Variants in ATP11A observed in about 807,000 individuals in gnomAD.
ATP11A encodes the protein ATPase phospholipid transporting 11A.
A neutral mutation model predicts 154.4 loss-of-function variants in ATP11A; 81 were observed. That is an observed-to-expected ratio of 0.52 (90% CI 0.44 to 0.63). The LOEUF (loss-of-function observed/expected upper bound fraction) is 0.63. Among genes scored for constraint, ATP11A ranks in the 30% least tolerant of loss-of-function variants. The pLI is 0.00. For missense variants in ATP11A, 1,316 were observed against 1,474.3 expected, an observed-to-expected ratio of 0.89 and a Z score of 1.76; for synonymous variants, 623 against 585.9, an observed-to-expected ratio of 1.06 and a Z score of -0.91.
rs1460042980 is a variant in ATP11A at position 112,864,903 on chromosome 13, C to T, written c.2991+2328C>T. On this transcript the variant is annotated intron_variant, in intron 25 of 29. Transcript: ENST00000375645. ...AGTGCAGGCCTGCGCAGCTTCCCAG[C>T]GGGGTCCATCACCACCTGCGCAGTA... Among the ~76,000 whole-genome samples the T allele has an allele frequency of 4.8e-3, 376 of 78,194 alleles. 9 individuals are homozygous for T. The highest frequency in any genetic ancestry group is 7.9e-3 in the East Asian group (17 of 2,154). The allele number at this position is 78,194 out of a possible 152,430, so 51.3% of individuals were successfully genotyped here.
chr13:112,873,719 T>C (rs2080621098), intron 27 of ATP11A, 43 bp downstream of exon 27: 1 of 1,560,670 alleles, frequency 6.4e-7, no homozygotes, highest in Non-Finnish European at 8.8e-7. Context: ...AAATATCATG[T>C]GGTTGTTATT....
intron 27 of ATP11A, among the ~76,000 whole-genome samples, chr13:112,874,843 C>T (rs142102782): frequency 6.2e-4 from 94 of 152,300 alleles, no homozygotes; most frequent in East Asian, 9.7e-4. Context: ...GCCCTGAAGG[C>T]GATGGCTCTG....
chr13:112,854,492 G>T lies in ATP11A; in HGVS notation c.2205G>T (p.Leu735=). The T allele has an allele frequency of 1.2e-6, 2 of 1,611,934 alleles. No homozygotes were observed. Among genetic ancestry groups the T allele is most frequent in the East Asian group, 4.5e-5 (2 of 44,854 alleles). The part of the protein sequence containing the change: ...DVLFELSKTV[L]RHSGSLTRDN... ...TGTTCGAGCTGAGCAAGACGGTCCT[G>T]CGCCACAGCGGGAGCCTGACCAGAG... The change falls in exon 19 of 30, where the codon CTG becomes CTT. Residue 735 remains leucine (L), a synonymous_variant. Transcript: ENST00000375645.
Position 112,696,503 on chromosome 13 carries a change from C to T in ATP11A, c.39+6048C>T, listed in dbSNP as rs2139460702. On this transcript the variant is annotated intron_variant, in intron 1 of 29. Transcript: ENST00000375645. The surrounding 1 kb of genome is among the most constrained non-coding windows in gnomAD (Gnocchi z 6.2). Reference sequence around the variant, plus strand: ...TGTGTGCTGCGGCCCCGTCTCTCTCCCTCTCTGAGTGACACTGTCTGCCCT... The same window carrying T: ...TGTGTGCTGCGGCCCCGTCTCTCTCTCTCTCTGAGTGACACTGTCTGCCCT... Among the ~76,000 whole-genome samples the T allele has an allele frequency of 6.6e-6, 1 of 152,244 alleles. No homozygotes were observed. Among genetic ancestry groups the T allele is most frequent in the East Asian group, 1.9e-4 (1 of 5,148 alleles).
chr13:112,709,399 T>C (rs1887495403), intron 1 of ATP11A, among the ~76,000 whole-genome samples: 1 of 152,232 alleles, frequency 6.6e-6, no homozygotes, highest in Non-Finnish European at 1.5e-5. Context: ...CTGTAGAGAA[T>C]CCTCTTCCCC....
At chr13:112,864,264 C>T (rs2080236437) in intron 25 of ATP11A, among the ~76,000 whole-genome samples, 1 of 115,562 alleles carries the variant, frequency 8.7e-6, no homozygotes, top group Non-Finnish European at 1.8e-5. Flanking sequence ...CGGGGTCCAT[C>T]ACCACCTGCG....
intron 25 of ATP11A, among the ~76,000 whole-genome samples, chr13:112,870,062 G>A (rs762252373): frequency 7.2e-5 from 11 of 152,152 alleles, no homozygotes; most frequent in African/African-American, 1.7e-4. Context: ...TGCCCCAGCC[G>A]AGAACCACAA....
Position 112,777,381 on chromosome 13 carries a change from C to T in ATP11A, c.40-7754C>T, listed in dbSNP as rs140066254. 4.6e-3 allele frequency among the ~76,000 whole-genome samples: 702 copies of T among 152,250 alleles called. 5 individuals are homozygous for T. Among genetic ancestry groups the T allele is most frequent in the African/African-American group, 0.015 (633 of 41,548 alleles). ...GAGTTTGAGACCAGCCTGGCCAACA[C>T]GGTGAAACCCAGTCTCTACTAAAAA... On this transcript the variant is annotated intron_variant, in intron 1 of 29. Coordinates refer to ENST00000375645, the MANE Select transcript of ATP11A (RefSeq NM_015205.3).
intron 8 of ATP11A, among the ~76,000 whole-genome samples, chr13:112,820,618 C>G (rs1183733780): frequency 6.6e-6 from 1 of 152,248 alleles, no homozygotes; most frequent in Non-Finnish European, 1.5e-5. Flanking sequence ...CAGCTCTGAG[C>G]AGCACCCACC....
rs1342616021 is a variant in ATP11A, at chr13:112,787,444, G to C, written c.162+2187G>C. On this transcript the variant is annotated intron_variant, in intron 2 of 29. Coordinates refer to ENST00000375645, the MANE Select transcript of ATP11A (RefSeq NM_015205.3). ...GTGGAGACCTACTTAATTCACACCGGGTGTCCTGATGTGTAGACCCCTGTG... is the reference window on the plus strand; with the variant it reads ...GTGGAGACCTACTTAATTCACACCGCGTGTCCTGATGTGTAGACCCCTGTG... Among the ~76,000 whole-genome samples, 2 of 118,858 alleles carry C rather than the reference G, an allele frequency of 1.7e-5. 1 individual carries two copies. The highest frequency in any genetic ancestry group is 3.2e-5 in the Non-Finnish European group (2 of 62,764). 78.0% of individuals were successfully genotyped at this position (118,858 alleles called of 152,430 possible).
At chr13:112,808,854 C>T (rs1327588981) in intron 4 of ATP11A, among the ~76,000 whole-genome samples, 1 of 152,184 alleles carries the variant, frequency 6.6e-6, no homozygotes, top group Admixed American at 6.5e-5. Flanking sequence ...ATCAGCCCAT[C>T]ACATGCATGG....
intron 2 of ATP11A, among the ~76,000 whole-genome samples, chr13:112,798,143 G>A (rs1258198124): frequency 6.6e-6 from 1 of 152,206 alleles, no homozygotes; most frequent in African/African-American, 2.4e-5. Context: ...TGAGGGAGGA[G>A]CCCGCATGGC....
At chr13:112,716,191 C>G (rs1888442078) in intron 1 of ATP11A, among the ~76,000 whole-genome samples, 1 of 152,192 alleles carries the variant, frequency 6.6e-6, no homozygotes, top group Non-Finnish European at 1.5e-5. Flanking sequence ...TGCCAGAGCT[C>G]CCATGAGAAG....
At chr13:112,826,584 G>A (rs2078939900) in intron 11 of ATP11A, 110 bp from the exon 12 acceptor site, 1 of 865,518 alleles carries the variant, frequency 1.2e-6, no homozygotes, top group Non-Finnish European at 1.9e-6. Flanking sequence ...CTTGTATTTA[G>A]TAGTAGCGCT....
At chr13:112,867,411 G>T (rs981068693) in intron 25 of ATP11A, among the ~76,000 whole-genome samples, 2 of 152,202 alleles carry the variant, frequency 1.3e-5, no homozygotes, top group South Asian at 4.1e-4. Flanking sequence ...CCTCCCAAGA[G>T]CCCCCGGAGA....
intron 1 of ATP11A, among the ~76,000 whole-genome samples, chr13:112,778,070 A>G (rs2077391376): frequency 6.6e-6 from 1 of 152,224 alleles, no homozygotes. Flanking sequence ...TCCTTCTTCT[A>G]CAGTCTTCCG....
At chr13:112,791,318 G>A (rs549520034) in intron 2 of ATP11A, among the ~76,000 whole-genome samples, 3 of 152,364 alleles carry the variant, frequency 2.0e-5, no homozygotes, top group South Asian at 2.1e-4. Flanking sequence ...CATTTGAGCC[G>A]GATGGGGGCC....
At chr13:112,770,537 C>T (rs1235185703) in intron 1 of ATP11A, among the ~76,000 whole-genome samples, 1 of 152,208 alleles carries the variant, frequency 6.6e-6, no homozygotes, top group Non-Finnish European at 1.5e-5. Context: ...GAGGGATGGG[C>T]GTGCCCACGT....
At chr13:112,768,609 T>G (rs1291037179) in intron 1 of ATP11A, among the ~76,000 whole-genome samples, 2 of 152,214 alleles carry the variant, frequency 1.3e-5, no homozygotes, top group African/African-American at 4.8e-5. Context: ...CCTCTGCACT[T>G]GGAAGGTATA....
Sources: allele counts gnomAD v4.1 joint callset (sites outside exome capture counted in the v4.1 genomes callset), GRCh38; gene constraint gnomAD v4.1.1; non-coding constraint Gnocchi (gnomAD v3.1); transcripts MANE v1.5; gene names NCBI Gene and HGNC (gene_info 2026-07-23, HGNC 2026-07-21).